Variants in SLC16A5 observed in about 807,000 individuals in gnomAD.
SLC16A5 encodes solute carrier family 16 member 5, also known as monocarboxylate transporter 6.
SLC16A5 carries 29 observed loss-of-function variants against 33.2 expected under a neutral mutation model. The observed-to-expected ratio is 0.87, with a 90% confidence interval of 0.65 to 1.19. The LOEUF is 1.19. SLC16A5 is among the 50% of genes most tolerant of loss of function. The probability of loss-of-function intolerance (pLI) is 0.00; values close to 1 mark genes in which losing one functional copy is unlikely to be tolerated. For missense variants in SLC16A5, 606 were observed against 678.2 expected, an observed-to-expected ratio of 0.89 and a Z score of 1.18; for synonymous variants, 248 against 284.1, an observed-to-expected ratio of 0.87 and a Z score of 1.28.
At chr17:75,092,858 TGTTTA>T (rs1372107298) in intron 2 of SLC16A5, among the ~76,000 whole-genome samples, 2 of 147,390 alleles carry the variant, frequency 1.4e-5, no homozygotes, top group African/African-American at 5.0e-5. Context: ...TGTGTGTGTG[TGTTTA>T]TTATTCAGTG....
Position 75,105,907 on chromosome 17 carries a change from A to G in SLC16A5, c.1392A>G (p.Pro464=), listed in dbSNP as rs771225496. The G allele has an allele frequency of 1.9e-6, 3 of 1,608,256 alleles. No individual in the cohort carries two copies. The highest frequency in any genetic ancestry group is 2.6e-6 in the Non-Finnish European group (3 of 1,175,698). ...GCCAGTCTTCCCGCCAGCCACGTCC[A>G]GCTGGCGTCAATAAGCATCTTTGGG... ...IMCQSSRQPR[P]AGVNKHLWGC... Residue 464 remains proline, a synonymous_variant, in exon 7 of 7, where the codon CCA becomes CCG. Coordinates refer to ENST00000329783, the MANE Select transcript of SLC16A5 (RefSeq NM_004695.4).
chr17:75,103,684 T>G (rs1032941192), intron 5 of SLC16A5, among the ~76,000 whole-genome samples: 3 of 152,120 alleles, frequency 2.0e-5, no homozygotes, highest in Admixed American at 2.0e-4. Context: ...GAGGCATAGG[T>G]GAGACCTGGA....
At chr17:75,105,234 C>T (rs1168481101) in intron 6 of SLC16A5, 2 of 985,324 alleles carry the variant, frequency 2.0e-6, no homozygotes, top group African/African-American at 1.7e-5. Context: ...CTGAGGGCCC[C>T]CCTGCAGTCT....
chr17:75,102,898 A>AT (rs71159433), intron 5 of SLC16A5, among the ~76,000 whole-genome samples: 12,790 of 146,120 alleles, frequency 0.088, 733 homozygotes, highest in African/African-American at 0.17. Flanking sequence ...CGCCCGGCTA[A>AT]TTTTTTTTTT....
intron 5 of SLC16A5, among the ~76,000 whole-genome samples, chr17:75,101,071 A>AC (rs1215081879): frequency 1.3e-5 from 2 of 150,962 alleles, no homozygotes; most frequent in Admixed American, 1.3e-4. Flanking sequence ...ACATGGTGAA[A>AC]CCCCGTCTCT....
Position 75,103,991 on chromosome 17 carries a change from A to G in SLC16A5, c.1175A>G (p.Asn392Ser). Residue 392 changes from asparagine (N) to serine (S), a missense_variant, in exon 6 of 7, where the codon AAC (asparagine) becomes AGC (serine). Physicochemically the swap from Asn to Ser is conservative, Grantham distance 46. Coordinates refer to ENST00000329783, the MANE Select transcript of SLC16A5 (RefSeq NM_004695.4). The stretch of plus-strand genomic sequence containing the variant: ...CCAGGGTTGCTCCTGGACGCCACCA[A>G]CAACTTTAGCTATGTTTTCTACATG... Reference protein sequence around the residue: ...PLAGLLLDATNNFSYVFYMSS... With the variant: ...PLAGLLLDATSNFSYVFYMSS... 6.2e-7 allele frequency: 1 copy of G among 1,614,130 alleles called. No homozygotes were observed. Among genetic ancestry groups the G allele is most frequent in the Non-Finnish European group, 8.5e-7 (1 of 1,179,972 alleles).
chr17:75,098,457 T>G (rs2073749020), intron 4 of SLC16A5, among the ~76,000 whole-genome samples: 1 of 152,026 alleles, frequency 6.6e-6, no homozygotes. Flanking sequence ...TCCCAGCTAC[T>G]CGAGGCTGAG....
chr17:75,104,330 C>T, intron 6 of SLC16A5, 150 bp downstream of exon 6: 4 of 1,459,542 alleles, frequency 2.7e-6, no homozygotes, highest in Non-Finnish European at 3.6e-6. Context: ...GCCCAGGAAG[C>T]CCGGGCTGTC....
intron 2 of SLC16A5, chr17:75,090,116 G>A (rs1415145124): frequency 6.6e-6 from 1 of 151,282 alleles, no homozygotes; most frequent in African/African-American, 2.4e-5. Context: ...CCTCAGCCTA[G>A]TTTTTTATTT....
chr17:75,097,806 C>T (rs1272634607), intron 3 of SLC16A5, among the ~76,000 whole-genome samples: 2 of 152,166 alleles, frequency 1.3e-5, no homozygotes, highest in South Asian at 2.1e-4. Flanking sequence ...GGTCAAACAT[C>T]GCCCATTCTG....
intron 3 of SLC16A5, among the ~76,000 whole-genome samples, chr17:75,095,896 T>C (rs1014522383): frequency 2.0e-5 from 3 of 151,776 alleles, no homozygotes; most frequent in African/African-American, 7.3e-5. Flanking sequence ...CCTGACCTCA[T>C]GATCTGCTGG....
At chr17:75,105,228 G>C in intron 6 of SLC16A5, 1 of 985,446 alleles carries the variant, frequency 1.0e-6, no homozygotes, top group Non-Finnish European at 1.2e-6. Context: ...TGAAGTCTGA[G>C]GGCCCCCCTG....
chr17:75,093,175 G>A, intron 2 of SLC16A5: 1 of 537,034 alleles, frequency 1.9e-6, no homozygotes, highest in Non-Finnish European at 3.3e-6. Context: ...ATCCTTGGGT[G>A]CATTTGGGGG....
intron 6 of SLC16A5, chr17:75,104,942 T>G: frequency 1.0e-6 from 1 of 985,464 alleles, no homozygotes; most frequent in South Asian, 4.7e-5. Flanking sequence ...TCGTCCAGCC[T>G]GGATGCCTCT....
At chr17:75,092,682 ATC>A (rs554443986) in intron 2 of SLC16A5, among the ~76,000 whole-genome samples, 114 of 150,074 alleles carry the variant, frequency 7.6e-4, no homozygotes, top group African/African-American at 2.7e-3. Flanking sequence ...GGGTCAGTGG[ATC>A]TCTGTGTGTG....
intron 5 of SLC16A5, among the ~76,000 whole-genome samples, chr17:75,103,509 T>C (rs67320591): frequency 0.14 from 20,642 of 151,358 alleles, 1,864 homozygotes; most frequent in African/African-American, 0.27. Flanking sequence ...TTTGTAGTTT[T>C]GGTAGGAACA....
chr17:75,107,765 C>T (rs1406437660), downstream of SLC16A5, among the ~76,000 whole-genome samples: 4 of 152,186 alleles, frequency 2.6e-5, no homozygotes, highest in African/African-American at 2.4e-5. Flanking sequence ...GGTGAAACCT[C>T]GTCTCTATTA....
rs897855929 is a variant in SLC16A5 at position 75,105,918 on chromosome 17, A to G, written c.1403A>G (p.Asn468Ser). 1.9e-6 allele frequency: 3 copies of G among 1,610,294 alleles called. No homozygotes were observed. The highest frequency in any genetic ancestry group is 1.7e-4 in the Middle Eastern group (1 of 6,050). ...SSRQPRPAGV[N>S]KHLWGCPASS... ...CGCCAGCCACGTCCAGCTGGCGTCA[A>G]TAAGCATCTTTGGGGATGTCCTGCC... The change falls in exon 7 of 7, where the codon AAT becomes AGT. Residue 468 changes from asparagine to serine, a missense_variant. Physicochemically the swap from Asn to Ser is conservative, Grantham distance 46. Coordinates refer to ENST00000329783, the MANE Select transcript of SLC16A5 (RefSeq NM_004695.4).
At chr17:75,109,251 G>A (rs2073887408), downstream of SLC16A5, among the ~76,000 whole-genome samples, 2 of 152,156 alleles carry the variant, frequency 1.3e-5, no homozygotes, top group Admixed American at 6.5e-5. The surrounding 1 kb of genome is among the most constrained non-coding windows in gnomAD (Gnocchi z 5.0). Flanking sequence ...CCGGGCGCGC[G>A]CCATCCACCC....
Sources: allele counts gnomAD v4.1 joint callset (sites outside exome capture counted in the v4.1 genomes callset), GRCh38; gene constraint gnomAD v4.1.1; non-coding constraint Gnocchi (gnomAD v3.1); transcripts MANE v1.5; gene names NCBI Gene and HGNC (gene_info 2026-07-23, HGNC 2026-07-21).